Variants in CYP2C8 observed in about 807,000 individuals in gnomAD.
CYP2C8 encodes cytochrome P450 family 2 subfamily C member 8.
Under a neutral mutation model 41.3 loss-of-function variants are expected in CYP2C8, and 51 were observed. The ratio of observed to expected loss-of-function variants is 1.24; its 90% CI spans 0.99 to 1.56. The LOEUF (loss-of-function observed/expected upper bound fraction) is 1.56. CYP2C8 is among the 40% of genes most tolerant of loss of function. The probability of loss-of-function intolerance (pLI) is 0.00; values close to 1 mark genes in which losing one functional copy is unlikely to be tolerated. For missense variants in CYP2C8, 651 were observed against 579.9 expected, an observed-to-expected ratio of 1.12 and a Z score of -1.26; for synonymous variants, 218 against 205.8, an observed-to-expected ratio of 1.06 and a Z score of -0.51.
rs772077732 is a variant in CYP2C8, at chr10:95,045,968, G to A, written c.820-17C>T. On this transcript the variant is annotated splice_polypyrimidine_tract_variant and intron_variant, in intron 5 of 8. Coordinates refer to ENST00000371270, the MANE Select transcript of CYP2C8 (RefSeq NM_000770.3). Reference sequence around the variant, plus strand: ...GTCCTTTTCCTAGAAGTGATTTCATGCAATTATCTGACAAATTATGTGCCA... The same window carrying A: ...GTCCTTTTCCTAGAAGTGATTTCATACAATTATCTGACAAATTATGTGCCA... The A allele has an allele frequency of 1.9e-6, 3 of 1,613,380 alleles. No homozygotes were observed. The highest frequency in any genetic ancestry group is 2.2e-5 in the South Asian group (2 of 91,058).
In CYP2C8 at chr10:95,062,211, C is replaced by T. The variant is rs1395795979; in HGVS notation, c.642+2589G>A. ...GGATATCCTTGTTAACTTTCTGTCT[C>T]GTTGATCTGTCTAATGTTGACAGTG... On this transcript the variant is annotated intron_variant, in intron 4 of 8. Transcript: ENST00000371270. Among the ~76,000 whole-genome samples the T allele has an allele frequency of 5.3e-5, 8 of 152,090 alleles. No homozygotes were observed. In the South Asian group the frequency reaches 8.3e-4, roughly 16 times the overall value.
In CYP2C8 at chr10:95,037,198, T is replaced by C. The variant is rs781321835; in HGVS notation, c.1403A>G (p.Asn468Ser). 9 of 1,613,842 alleles carry C rather than the reference T, an allele frequency of 5.6e-6. No homozygotes were observed. Among genetic ancestry groups the C allele is most frequent in the African/African-American group, 1.3e-5 (1 of 74,924 alleles). Residue 468 changes from asparagine (N) to serine (S), a missense_variant, in exon 9 of 9, where the codon AAT becomes AGT. By Grantham distance (46) the Asn-to-Ser change is conservative. Transcript: ENST00000371270. ...LKSVDDLKNL[N>S]TTAVTKGIVS... The stretch of plus-strand genomic sequence containing the variant: ...AATCCCTTTGGTAACTGCAGTAGTA[T>C]TGAGGTTCTTTAAATCATCAACAGA...
At chr10:95,043,879 C>CAT (rs68119919) in intron 6 of CYP2C8, among the ~76,000 whole-genome samples, 39,712 of 151,804 alleles carry the variant, frequency 0.26, 5,388 homozygotes, top group Non-Finnish European at 0.29. Context: ...CACACACACA[C>CAT]ACACACACAT....
At chr10:95,056,522 A>G (rs1478949421) in intron 5 of CYP2C8, among the ~76,000 whole-genome samples, 4 of 152,236 alleles carry the variant, frequency 2.6e-5, no homozygotes, top group Admixed American at 6.5e-5. Flanking sequence ...ATGAATGATA[A>G]GCAAATTGTC....
At chr10:95,041,644 G>A (rs1439946825) in intron 7 of CYP2C8, among the ~76,000 whole-genome samples, 1 of 151,708 alleles carries the variant, frequency 6.6e-6, no homozygotes, top group Non-Finnish European at 1.5e-5. Flanking sequence ...AGCCGGGCGC[G>A]GTGGCGGGCG....
intron 5 of CYP2C8, among the ~76,000 whole-genome samples, chr10:95,046,829 T>C (rs1455927469): frequency 1.3e-5 from 2 of 151,538 alleles, no homozygotes. Flanking sequence ...TAGCCCACTA[T>C]AAGACTTCTT....
At chr10:95,068,620 A>C (rs1203269819) in intron 1 of CYP2C8, 2 of 1,288,928 alleles carry the variant, frequency 1.6e-6, no homozygotes, top group African/African-American at 3.0e-5. Context: ...CAAAAATCAT[A>C]GCAAAACACT....
chr10:95,069,396 G>C lies in CYP2C8; in HGVS notation c.7C>G (p.Pro3Ala). ...AGACACAGCACCAGGACCACAAAAG[G>C]TTCCATTGAAGCCTTCTCTTCTTAT... MEPFVVLVLCLSF... is the reference protein window; with the variant it reads MEAFVVLVLCLSF... The change falls in exon 1 of 9, where the codon CCT becomes GCT. Residue 3 changes from proline to alanine, a missense_variant. Pro to Ala is a conservative substitution (Grantham distance 27). Transcript: ENST00000371270. 6.2e-7 allele frequency: 1 copy of C among 1,614,058 alleles called. No individual in the cohort carries two copies. The highest frequency in any genetic ancestry group is 8.5e-7 in the Non-Finnish European group (1 of 1,179,958).
intron 2 of CYP2C8, 38 bp downstream of exon 2, chr10:95,067,491 C>G: frequency 6.2e-7 from 1 of 1,613,998 alleles, no homozygotes; most frequent in Non-Finnish European, 8.5e-7. Context: ...CCCCCTCACC[C>G]CAGTTACCAA....
intron 5 of CYP2C8, among the ~76,000 whole-genome samples, chr10:95,047,900 T>C (rs980924500): frequency 6.6e-6 from 1 of 152,086 alleles, no homozygotes; most frequent in Non-Finnish European, 1.5e-5. Context: ...AAAGGGACCT[T>C]GTGTGAACAA....
intron 5 of CYP2C8, 72 bp from the exon 6 acceptor site, chr10:95,046,023 A>C: frequency 6.4e-7 from 1 of 1,564,532 alleles, no homozygotes; most frequent in South Asian, 1.1e-5. Context: ...ATTTTAAAAA[A>C]CATACTATTT....
intron 5 of CYP2C8, among the ~76,000 whole-genome samples, chr10:95,056,957 G>A (rs1432404763): frequency 4.6e-5 from 7 of 152,172 alleles, no homozygotes; most frequent in African/African-American, 1.7e-4. Flanking sequence ...ACAGCTCTGC[G>A]AGGGCTCCTG....
At chr10:95,042,002 C>T (rs2033012007) in intron 7 of CYP2C8, among the ~76,000 whole-genome samples, 1 of 151,742 alleles carries the variant, frequency 6.6e-6, no homozygotes, top group African/African-American at 2.4e-5. Flanking sequence ...AAACCATATT[C>T]GTGAAAATTC....
chr10:95,046,339 G>A (rs1228347493), intron 5 of CYP2C8, among the ~76,000 whole-genome samples: 2 of 152,184 alleles, frequency 1.3e-5, no homozygotes, highest in African/African-American at 4.8e-5. Context: ...GGAAGTCCAA[G>A]AGCATGGCAC....
chr10:95,056,046 T>A (rs569367163), intron 5 of CYP2C8, among the ~76,000 whole-genome samples: 1 of 152,248 alleles, frequency 6.6e-6, no homozygotes, highest in East Asian at 1.9e-4. Flanking sequence ...TGAGCCAAGA[T>A]GACAGCACTG....
At position 95,067,424 on chromosome 10, in the gene CYP2C8, C is replaced by T. The variant is rs1201046931; in HGVS notation, c.332-67G>A. The stretch of plus-strand genomic sequence containing the variant: ...AGGAAGAAAGTGCTGCAACACTTGG[C>T]AGCCATGCAGATAGGCTAAGCTCTG... On this transcript the variant is annotated intron_variant, in intron 2 of 8. Coordinates refer to ENST00000371270, the MANE Select transcript of CYP2C8 (RefSeq NM_000770.3). 5 of 1,613,040 alleles carry T rather than the reference C, an allele frequency of 3.1e-6. No homozygotes were observed. In the East Asian group the frequency reaches 6.7e-5, roughly 22 times the overall value.
chr10:95,061,222 G>C (rs1248436571), intron 4 of CYP2C8, among the ~76,000 whole-genome samples: 2 of 152,194 alleles, frequency 1.3e-5, no homozygotes, highest in African/African-American at 4.8e-5. Context: ...AATGGTACCA[G>C]CTCCTCCTTG....
intron 5 of CYP2C8, among the ~76,000 whole-genome samples, chr10:95,055,955 TG>T (rs1187056846): frequency 6.6e-6 from 1 of 151,930 alleles, no homozygotes; most frequent in African/African-American, 2.4e-5. Context: ...TAGCTGGGTG[TG>T]GGGGTTTGTG....
At chr10:95,041,644 G>C (rs1439946825) in intron 7 of CYP2C8, among the ~76,000 whole-genome samples, 1 of 151,708 alleles carries the variant, frequency 6.6e-6, no homozygotes, top group African/African-American at 2.4e-5. Flanking sequence ...AGCCGGGCGC[G>C]GTGGCGGGCG....
Sources: allele counts gnomAD v4.1 joint callset (sites outside exome capture counted in the v4.1 genomes callset), GRCh38; gene constraint gnomAD v4.1.1; transcripts MANE v1.5; gene names NCBI Gene and HGNC (gene_info 2026-07-23, HGNC 2026-07-21).